The following MAP2 variants were observed in gnomAD, a reference collection of about 807,000 sequenced individuals.
MAP2 encodes the protein microtubule associated protein 2, also known as microtubule-associated protein 2.
In MAP2, 14 loss-of-function variants were observed where a neutral mutation model predicts 137.6. The ratio of observed to expected loss-of-function variants is 0.10; its 90% CI spans 0.07 to 0.16. The LOEUF (loss-of-function observed/expected upper bound fraction) is 0.16, where lower values mean the gene tolerates loss of function less well. Ranked by LOEUF, MAP2 falls within the 10% of genes least tolerant of loss-of-function variation. The pLI is 1.00. For synonymous variants in MAP2, 786 were observed against 782.3 expected, an observed-to-expected ratio of 1.00 and a Z score of -0.08; for missense variants, 2,088 against 2,191.5, an observed-to-expected ratio of 0.95 and a Z score of 0.94.
At chr2:209,600,940 T>A (rs1403555715) in intron 3 of MAP2, among the ~76,000 whole-genome samples, 1 of 152,228 alleles carries the variant, frequency 6.6e-6, no homozygotes, top group East Asian at 1.9e-4. Context: ...CTCAGTTTTT[T>A]ATGGCTAAGC....
intron 13 of MAP2, among the ~76,000 whole-genome samples, chr2:209,713,287 C>A (rs182321074): frequency 4.6e-5 from 7 of 152,144 alleles, no homozygotes; most frequent in Admixed American, 4.6e-4. Flanking sequence ...AAATTATTTG[C>A]CTGCAGTTTG....
chr2:209,705,806 T>A, intron 12 of MAP2, 79 bp downstream of exon 12: 1 of 1,242,980 alleles, frequency 8.0e-7, no homozygotes, highest in Non-Finnish European at 1.1e-6. Flanking sequence ...ATTTATATTT[T>A]AATTTGTAAA....
intron 2 of MAP2, among the ~76,000 whole-genome samples, chr2:209,568,861 A>G (rs536425903): frequency 4.6e-4 from 70 of 151,928 alleles, no homozygotes; most frequent in African/African-American, 1.6e-3. Context: ...AATTTTATTT[A>G]GTAAAAAATC....
At chr2:209,471,507 A>T (rs1705705591) in intron 1 of MAP2, among the ~76,000 whole-genome samples, 1 of 152,180 alleles carries the variant, frequency 6.6e-6, no homozygotes, top group African/African-American at 2.4e-5. Context: ...GGGTTTGACC[A>T]TTAACTGTTC....
chr2:209,672,675 A>G (rs1181759734), intron 5 of MAP2, among the ~76,000 whole-genome samples: 1 of 151,976 alleles, frequency 6.6e-6, no homozygotes, highest in African/African-American at 2.4e-5. Context: ...TGGGACAAGC[A>G]TATCTTTATC....
At chr2:209,490,593 G>A (rs1253055441) in intron 1 of MAP2, among the ~76,000 whole-genome samples, 1 of 26,174 alleles carries the variant, frequency 3.8e-5, no homozygotes, top group Non-Finnish European at 7.0e-5. Context: ...GATTTACCAA[G>A]CAAATGGAAA....
chr2:209,584,920 C>A (rs2077332378), intron 3 of MAP2, among the ~76,000 whole-genome samples: 1 of 152,148 alleles, frequency 6.6e-6, no homozygotes, highest in African/African-American at 2.4e-5. Context: ...CTGAGAGCTA[C>A]ACGAGGAAAG....
intron 5 of MAP2, among the ~76,000 whole-genome samples, chr2:209,663,058 G>A (rs1034829551): frequency 3.9e-5 from 6 of 152,104 alleles, no homozygotes; most frequent in Non-Finnish European, 8.8e-5. Context: ...TTGCGGTTTA[G>A]AATTGGGTTT....
chr2:209,696,146 C>T lies in MAP2; in HGVS notation c.3976C>T (p.His1326Tyr). 1 of 1,612,844 alleles carries T rather than the reference C, an allele frequency of 6.2e-7. No individual in the cohort carries two copies. Among genetic ancestry groups the T allele is most frequent in the Non-Finnish European group, 8.5e-7 (1 of 1,179,540 alleles). ...QPEVERRPSP[H>Y]DEEEFEVEEA... ...TGAGGTGGAAAGGAGACCATCTCCT[C>T]ATGATGAAGAAGAGTTTGAAGTAGA... Residue 1326 changes from histidine (H) to tyrosine (Y), a missense_variant, in exon 8 of 16, where the codon CAT (histidine) becomes TAT (tyrosine). Physicochemically the swap from His to Tyr is moderately conservative, Grantham distance 83. Transcript: ENST00000682079.
chr2:209,657,419 C>T (rs1054518771), intron 5 of MAP2, among the ~76,000 whole-genome samples: 2 of 152,152 alleles, frequency 1.3e-5, no homozygotes, highest in Non-Finnish European at 2.9e-5. Flanking sequence ...TCCTTTTTCT[C>T]TATAGCATTG....
chr2:209,563,753 C>T (rs1275489652), intron 2 of MAP2, among the ~76,000 whole-genome samples: 1 of 152,206 alleles, frequency 6.6e-6, no homozygotes, highest in African/African-American at 2.4e-5. Flanking sequence ...CAAGATAGAA[C>T]ACTGTGGAAG....
chr2:209,625,327 T>C (rs551355694), intron 4 of MAP2, among the ~76,000 whole-genome samples, 198 bp downstream of exon 4: 131 of 152,278 alleles, frequency 8.6e-4, no homozygotes, highest in African/African-American at 2.4e-3. Context: ...TTCATAGTGT[T>C]GAGTTGACTT....
intron 5 of MAP2, among the ~76,000 whole-genome samples, chr2:209,678,226 G>A (rs1308879886): frequency 6.6e-6 from 1 of 151,872 alleles, no homozygotes; most frequent in South Asian, 2.1e-4. Context: ...TGACTTTGGG[G>A]GCAGGGGATA....
At chr2:209,631,788 A>G (rs569819114) in intron 4 of MAP2, among the ~76,000 whole-genome samples, 14 of 152,174 alleles carry the variant, frequency 9.2e-5, no homozygotes, top group Non-Finnish European at 1.8e-4. Flanking sequence ...ACCTTGTTCA[A>G]GTCTCTGTTC....
intron 11 of MAP2, 86 bp from the exon 12 acceptor site, chr2:209,705,494 C>T: frequency 8.8e-7 from 1 of 1,138,046 alleles, no homozygotes; most frequent in Admixed American, 2.6e-5. Flanking sequence ...TTTATTAGCA[C>T]AGGAGGAAAA....
intron 3 of MAP2, among the ~76,000 whole-genome samples, chr2:209,599,262 G>A (rs373701045): frequency 1.3e-5 from 2 of 152,044 alleles, no homozygotes; most frequent in East Asian, 1.9e-4. Flanking sequence ...AGAAGTGTCT[G>A]TTCATGTCCT....
chr2:209,724,689 G>A (rs1234083460), intron 13 of MAP2, among the ~76,000 whole-genome samples: 1 of 152,202 alleles, frequency 6.6e-6, no homozygotes, highest in Non-Finnish European at 1.5e-5. Flanking sequence ...GTCATTGAAA[G>A]TTCATAGCAA....
rs2123701 is a variant in MAP2, at chr2:209,450,645, A to G, written c.-222+26369A>G. On this transcript the variant is annotated intron_variant, in intron 1 of 15. Coordinates refer to ENST00000682079, the MANE Select transcript of MAP2 (RefSeq NM_001375505.1). The stretch of plus-strand genomic sequence containing the variant: ...GAATGTCTGTAATGAAGATAGGGGT[A>G]ATGTCTTACACTTCTTCAGTATCTT... Among the ~76,000 whole-genome samples the G allele has an allele frequency of 9.0e-4, 137 of 152,080 alleles. No homozygotes were observed. The East Asian group carries it at 0.019, about 21-fold the overall frequency.
At chr2:209,585,789 A>C (rs553675367) in intron 3 of MAP2, among the ~76,000 whole-genome samples, 1 of 152,328 alleles carries the variant, frequency 6.6e-6, no homozygotes, top group African/African-American at 2.4e-5. Flanking sequence ...ACTTAAAACA[A>C]AATCACTGTA....
Sources: gnomAD v4.1 joint callset for allele counts (sites outside exome capture counted in the v4.1 genomes callset) on GRCh38, gnomAD v4.1.1 for gene constraint, MANE v1.5 for transcripts, NCBI Gene and HGNC (gene_info 2026-07-23, HGNC 2026-07-21) for gene names.